The following PTPRD variants were observed in gnomAD, a reference collection of about 807,000 sequenced individuals.
PTPRD encodes protein tyrosine phosphatase receptor type D, also known as receptor-type tyrosine-protein phosphatase delta.
PTPRD carries 34 observed loss-of-function variants against 214.5 expected under a neutral mutation model. That is an observed-to-expected ratio of 0.16 (90% CI 0.12 to 0.21). The LOEUF is 0.21. PTPRD is among the 10% of genes least tolerant of loss of function. The probability of loss-of-function intolerance (pLI) is 1.00; values close to 1 mark genes in which losing one functional copy is unlikely to be tolerated. For synonymous variants in PTPRD, 1,128 were observed against 845.7 expected, an observed-to-expected ratio of 1.33 and a Z score of -5.79; for missense variants, 2,545 against 2,398.7, an observed-to-expected ratio of 1.06 and a Z score of -1.27.
intron 6 of PTPRD, among the ~76,000 whole-genome samples, chr9:9,753,361 T>C (rs1173348080): frequency 6.6e-6 from 1 of 152,020 alleles, no homozygotes; most frequent in Non-Finnish European, 1.5e-5. Flanking sequence ...GAATTATAGC[T>C]GGACCCGCCA....
intron 10 of PTPRD, among the ~76,000 whole-genome samples, chr9:9,048,624 A>C (rs1293692190): frequency 6.6e-6 from 1 of 152,124 alleles, no homozygotes; most frequent in Non-Finnish European, 1.5e-5. Context: ...AATCATGAAC[A>C]TAGAGAGTAG....
At chr9:10,076,999 T>A (rs2098142125) in intron 3 of PTPRD, among the ~76,000 whole-genome samples, 1 of 152,146 alleles carries the variant, frequency 6.6e-6, no homozygotes, top group Admixed American at 6.6e-5. Context: ...CCCTTTTCCT[T>A]GCAAAACAAA....
intron 2 of PTPRD, among the ~76,000 whole-genome samples, chr9:10,459,287 C>G (rs1448558974): frequency 6.7e-6 from 1 of 150,246 alleles, no homozygotes; most frequent in African/African-American, 2.5e-5. Context: ...TTGTCTTTAT[C>G]CAATGTATTA....
At chr9:9,380,527 G>C (rs562181499) in intron 9 of PTPRD, among the ~76,000 whole-genome samples, 1 of 152,174 alleles carries the variant, frequency 6.6e-6, no homozygotes, top group East Asian at 1.9e-4. Flanking sequence ...TTTATAGTTT[G>C]ATTTGTGATA....
chr9:10,305,420 G>A (rs2096028491), intron 3 of PTPRD, among the ~76,000 whole-genome samples: 1 of 147,106 alleles, frequency 6.8e-6, no homozygotes, highest in Admixed American at 6.8e-5. Context: ...ATTGACAAAT[G>A]GGATCTGATT....
chr9:9,025,825 A>G (rs1052591476), intron 10 of PTPRD, among the ~76,000 whole-genome samples: 4 of 152,028 alleles, frequency 2.6e-5, no homozygotes, highest in Non-Finnish European at 5.9e-5. Flanking sequence ...TAACTGCGTG[A>G]TTAGAAAAAA....
intron 9 of PTPRD, among the ~76,000 whole-genome samples, chr9:9,298,592 A>G (rs558037769): frequency 1.9e-4 from 29 of 151,902 alleles, no homozygotes; most frequent in Non-Finnish European, 3.1e-4. Context: ...GTGTTTTGCA[A>G]TGCTGCAAAG....
chr9:8,835,015 GAA>G (rs995715588), intron 11 of PTPRD, among the ~76,000 whole-genome samples: 6 of 152,324 alleles, frequency 3.9e-5, no homozygotes, highest in African/African-American at 1.4e-4. Context: ...CTAACTGCAT[GAA>G]AAGAGTACCC....
At chr9:9,779,104 A>AAAAAAAAAAAAAAAAAAAAAAAAAG in intron 5 of PTPRD, among the ~76,000 whole-genome samples, 1 of 146,588 alleles carries the variant, frequency 6.8e-6, no homozygotes, top group East Asian at 2.1e-4. Flanking sequence ...AAAAAAAAAA[A>AAAAAAAAAAAAAAAAAAAAAAAAAG]GCAATGGGGA....
intron 11 of PTPRD, among the ~76,000 whole-genome samples, chr9:8,761,885 G>A (rs986720836): frequency 6.6e-6 from 1 of 152,100 alleles, no homozygotes; most frequent in East Asian, 1.9e-4. Context: ...GCCTACATGT[G>A]GATACAGTCT....
At chr9:10,480,930 G>A (rs1026634734) in intron 2 of PTPRD, among the ~76,000 whole-genome samples, 1 of 152,044 alleles carries the variant, frequency 6.6e-6, no homozygotes, top group South Asian at 2.1e-4. Flanking sequence ...TTGATACCCT[G>A]TAATAAGATT....
At chr9:8,585,016 G>C (rs184704730) in intron 14 of PTPRD, among the ~76,000 whole-genome samples, 44 of 152,290 alleles carry the variant, frequency 2.9e-4, no homozygotes, top group Admixed American at 2.7e-3. Context: ...TCTCCCACTG[G>C]TTCCCTCTCA....
At chr9:10,412,867 G>A (rs2098451587) in intron 2 of PTPRD, among the ~76,000 whole-genome samples, 1 of 151,870 alleles carries the variant, frequency 6.6e-6, no homozygotes. Context: ...AAAGCCACAT[G>A]ATTATCTCAA....
chr9:10,254,128 A>G (rs185674073), intron 3 of PTPRD, among the ~76,000 whole-genome samples: 1 of 152,302 alleles, frequency 6.6e-6, no homozygotes, highest in East Asian at 1.9e-4. Flanking sequence ...TCAACTCATA[A>G]TCACATACTT....
chr9:9,356,212 C>A (rs187981920), intron 9 of PTPRD, among the ~76,000 whole-genome samples: 1 of 150,936 alleles, frequency 6.6e-6, no homozygotes, highest in Admixed American at 6.6e-5. Context: ...GGGGACAAGA[C>A]AATTTTGTGT....
At chr9:9,118,949 A>T (rs2099814914) in intron 10 of PTPRD, among the ~76,000 whole-genome samples, 2 of 152,200 alleles carry the variant, frequency 1.3e-5, no homozygotes, top group South Asian at 4.1e-4. Flanking sequence ...GGGAAGTTAG[A>T]GGGCCTAAAG....
intron 2 of PTPRD, among the ~76,000 whole-genome samples, chr9:10,491,192 T>C (rs546647232): frequency 5.5e-4 from 83 of 152,148 alleles, no homozygotes; most frequent in Non-Finnish European, 1.0e-3. Context: ...CAAATGAATG[T>C]TAAAGGTAAT....
At chr9:8,600,419 A>G (rs1030061256) in intron 14 of PTPRD, among the ~76,000 whole-genome samples, 2 of 151,422 alleles carry the variant, frequency 1.3e-5, no homozygotes, top group Non-Finnish European at 2.9e-5. Context: ...ACCTACTAAC[A>G]CTCCAGCCTG....
At chr9:9,033,113 C>G (rs1756374940) in intron 10 of PTPRD, among the ~76,000 whole-genome samples, 1 of 152,116 alleles carries the variant, frequency 6.6e-6, no homozygotes. Flanking sequence ...TACTCTTTCC[C>G]TCTGTTCTCC....
Sources: allele counts gnomAD v4.1 joint callset (sites outside exome capture counted in the v4.1 genomes callset), GRCh38; gene constraint gnomAD v4.1.1; transcripts MANE v1.5; gene names NCBI Gene and HGNC (gene_info 2026-07-23, HGNC 2026-07-21).